The following FILIP1L variants were observed in gnomAD, a reference collection of about 807,000 sequenced individuals.
The protein encoded by FILIP1L is filamin A-interacting protein 1-like.
Under a neutral mutation model 96.6 loss-of-function variants are expected in FILIP1L, and 55 were observed. The observed-to-expected ratio is 0.57, with a 90% CI of 0.46 to 0.71. The LOEUF (loss-of-function observed/expected upper bound fraction) is 0.71. Ranked by LOEUF, FILIP1L falls within the 30% of genes least tolerant of loss-of-function variation. The pLI is 0.00. For missense variants in FILIP1L, 1,304 were observed against 1,321.2 expected (o/e 0.99, Z 0.20); for synonymous variants, 467 against 473.9 (o/e 0.99, Z 0.19).
chr3:100,069,936 G>A (rs2065733079), intron 1 of FILIP1L, among the ~76,000 whole-genome samples: 2 of 152,112 alleles, frequency 1.3e-5, no homozygotes, highest in Admixed American at 1.3e-4. Context: ...GTTTGATAGG[G>A]TAATTCAAGT....
chr3:99,907,876 C>T (rs1212879552), intron 4 of FILIP1L, among the ~76,000 whole-genome samples: 2 of 152,216 alleles, frequency 1.3e-5, no homozygotes, highest in Non-Finnish European at 2.9e-5. Flanking sequence ...GAATGCTTTT[C>T]TCCTCCTGAG....
intron 1 of FILIP1L, among the ~76,000 whole-genome samples, chr3:100,087,440 A>C (rs1263954685): frequency 6.6e-6 from 1 of 152,136 alleles, no homozygotes; most frequent in African/African-American, 2.4e-5. Context: ...TCATTCTAAT[A>C]GTGGTATCTC....
At chr3:99,935,612 C>A (rs1707639186) in intron 1 of FILIP1L, among the ~76,000 whole-genome samples, 1 of 152,190 alleles carries the variant, frequency 6.6e-6, no homozygotes, top group Non-Finnish European at 1.5e-5. Flanking sequence ...TGACCTCTAC[C>A]CTGTTCCTCA....
intron 1 of FILIP1L, among the ~76,000 whole-genome samples, chr3:100,038,948 G>A (rs923470): frequency 0.19 from 28,150 of 152,156 alleles, 2,941 homozygotes; most frequent in South Asian, 0.25. Flanking sequence ...GTCTGCATAT[G>A]TATAAAACGT....
At chr3:100,014,527 C>G (rs1710261631) in intron 1 of FILIP1L, among the ~76,000 whole-genome samples, 1 of 152,100 alleles carries the variant, frequency 6.6e-6, no homozygotes. Context: ...TTGATAATAA[C>G]CATTCTAACA....
At chr3:99,977,805 G>A (rs1709014292) in intron 1 of FILIP1L, among the ~76,000 whole-genome samples, 1 of 152,098 alleles carries the variant, frequency 6.6e-6, no homozygotes, top group Non-Finnish European at 1.5e-5. Flanking sequence ...TTGTCTGATG[G>A]CCTAAACCTA....
chr3:100,082,697 T>C (rs1428636141), intron 1 of FILIP1L, among the ~76,000 whole-genome samples: 1 of 152,230 alleles, frequency 6.6e-6, no homozygotes, highest in Non-Finnish European at 1.5e-5. Flanking sequence ...CCTTTATAGA[T>C]GCCACACAAA....
intron 1 of FILIP1L, among the ~76,000 whole-genome samples, chr3:99,939,808 C>G (rs1707801211): frequency 6.6e-6 from 1 of 152,208 alleles, no homozygotes; most frequent in African/African-American, 2.4e-5. Flanking sequence ...GATTCCTCGT[C>G]TGCAAGATTC....
intron 1 of FILIP1L, among the ~76,000 whole-genome samples, chr3:99,991,407 A>T (rs1378463270): frequency 6.6e-6 from 1 of 152,146 alleles, no homozygotes; most frequent in Non-Finnish European, 1.5e-5. Context: ...TTGAAAATAT[A>T]TGAAGTGATT....
At chr3:99,961,915 C>T (rs1199348467) in intron 1 of FILIP1L, among the ~76,000 whole-genome samples, 1 of 151,750 alleles carries the variant, frequency 6.6e-6, no homozygotes, top group African/African-American at 2.4e-5. Flanking sequence ...ACTGAGGGAC[C>T]AAGTAGTCTG....
intron 1 of FILIP1L, among the ~76,000 whole-genome samples, chr3:100,109,619 A>C (rs909995720): frequency 4.6e-5 from 7 of 152,150 alleles, no homozygotes; most frequent in Non-Finnish European, 7.4e-5. Context: ...TTCAATTGGC[A>C]TAATGCAATT....
chr3:100,107,829 A>C (rs1471365180), intron 1 of FILIP1L, among the ~76,000 whole-genome samples: 1 of 151,788 alleles, frequency 6.6e-6, no homozygotes, highest in Non-Finnish European at 1.5e-5. Context: ...TGATTATGGA[A>C]TCTTCATTAC....
intron 1 of FILIP1L, among the ~76,000 whole-genome samples, chr3:100,007,045 A>AT: frequency 6.6e-6 from 1 of 152,272 alleles, no homozygotes; most frequent in African/African-American, 2.4e-5. Flanking sequence ...CTTAGCTGGT[A>AT]TTTTCCACAT....
chr3:99,883,749 A>G lies in FILIP1L; in HGVS notation c.606-32679T>C, dbSNP rs1417939078. Among the ~76,000 whole-genome samples the G allele has an allele frequency of 2.6e-5, 4 of 152,214 alleles. No individual in the cohort carries two copies. The East Asian group carries it at 5.8e-4, about 22-fold the overall frequency. ...TAACAAAAACAATAATAGGTGACACATTTAATGTTTAATTGATGTCAGACA... is the reference window on the plus strand; with the variant it reads ...TAACAAAAACAATAATAGGTGACACGTTTAATGTTTAATTGATGTCAGACA... On this transcript the variant is annotated intron_variant, in intron 4 of 5. Coordinates refer to ENST00000477258, the MANE Select transcript of FILIP1L (RefSeq NM_001387850.1).
intron 1 of FILIP1L, among the ~76,000 whole-genome samples, chr3:99,957,297 A>T (rs1487913190): frequency 6.6e-6 from 1 of 152,092 alleles, no homozygotes; most frequent in Non-Finnish European, 1.5e-5. Flanking sequence ...ATTCTTAAGA[A>T]TTCTGATTTC....
chr3:99,947,581 C>T (rs1160449102), intron 1 of FILIP1L, among the ~76,000 whole-genome samples: 2 of 152,130 alleles, frequency 1.3e-5, no homozygotes, highest in Non-Finnish European at 2.9e-5. Flanking sequence ...GAACTGTCCT[C>T]GGCTGAGAAA....
At chr3:100,049,433 C>T (rs2065332935) in intron 1 of FILIP1L, among the ~76,000 whole-genome samples, 2 of 152,142 alleles carry the variant, frequency 1.3e-5, no homozygotes, top group Non-Finnish European at 2.9e-5. Context: ...GTTAATATGG[C>T]ACTAGAGTGT....
At chr3:100,031,413 G>C (rs904614192) in intron 1 of FILIP1L, among the ~76,000 whole-genome samples, 3 of 151,966 alleles carry the variant, frequency 2.0e-5, no homozygotes, top group Non-Finnish European at 4.4e-5. Context: ...AGTGGAGTGA[G>C]GAAGGAGTTG....
intron 5 of FILIP1L, among the ~76,000 whole-genome samples, chr3:99,832,456 T>A (rs1248400656): frequency 6.8e-6 from 1 of 146,192 alleles, no homozygotes; most frequent in Non-Finnish European, 1.5e-5. Context: ...GATCTCGATC[T>A]CCTGACCTCA....
Sources: gnomAD v4.1 joint callset for allele counts (sites outside exome capture counted in the v4.1 genomes callset) on GRCh38, gnomAD v4.1.1 for gene constraint, MANE v1.5 for transcripts, NCBI Gene and HGNC (gene_info 2026-07-23, HGNC 2026-07-21) for gene names.